Variants in PACRG observed in about 807,000 individuals in gnomAD.
The protein encoded by PACRG is parkin coregulated, also known as parkin coregulated gene protein.
In PACRG, 29 loss-of-function variants were observed where a neutral mutation model predicts 29.7. The observed-to-expected ratio is 0.98, with a 90% CI of 0.73 to 1.33. The LOEUF (loss-of-function observed/expected upper bound fraction) is 1.33, where lower values mean the gene tolerates loss of function less well. PACRG is among the 40% of genes most tolerant of loss of function. The pLI, the probability that PACRG is intolerant of heterozygous loss-of-function variation, is 0.00. For synonymous variants in PACRG, 116 were observed against 118.7 expected, an observed-to-expected ratio of 0.98 and a Z score of 0.15; for missense variants, 279 against 316.2, an observed-to-expected ratio of 0.88 and a Z score of 0.89.
At chr6:162,816,305 A>G (rs1010395823) in intron 2 of PACRG, among the ~76,000 whole-genome samples, 1 of 152,148 alleles carries the variant, frequency 6.6e-6, no homozygotes, top group East Asian at 1.9e-4. Context: ...CTACATTTTA[A>G]TTGCATTACT....
chr6:163,089,433 G>A (rs767824435), intron 4 of PACRG, 25 bp downstream of exon 4: 1 of 1,607,350 alleles, frequency 6.2e-7, no homozygotes, highest in East Asian at 2.2e-5. Flanking sequence ...GAGTCAAAAT[G>A]TCTTTTAAGC....
chr6:162,767,807 T>C (rs1782916128), intron 1 of PACRG, among the ~76,000 whole-genome samples: 1 of 152,026 alleles, frequency 6.6e-6, no homozygotes, highest in Non-Finnish European at 1.5e-5. Flanking sequence ...ACATGCTATT[T>C]CTATTCTTTT....
intron 2 of PACRG, among the ~76,000 whole-genome samples, chr6:162,996,516 G>A (rs1166788651): frequency 6.6e-6 from 1 of 152,024 alleles, no homozygotes; most frequent in Non-Finnish European, 1.5e-5. Flanking sequence ...AACAGAAACT[G>A]AGAAAAATGA....
intron 4 of PACRG, among the ~76,000 whole-genome samples, chr6:163,188,750 C>G (rs149812502): frequency 5.0e-4 from 76 of 152,308 alleles, no homozygotes; most frequent in Non-Finnish European, 8.5e-4. Context: ...TAGTTCATGT[C>G]TGACTTGGTG....
At chr6:162,794,769 A>T (rs531513709) in intron 1 of PACRG, among the ~76,000 whole-genome samples, 1 of 152,312 alleles carries the variant, frequency 6.6e-6, no homozygotes, top group Admixed American at 6.5e-5. Context: ...TTTATTGAAC[A>T]CCTGTTCTGT....
chr6:163,167,108 T>TA (rs1778846301), intron 4 of PACRG, among the ~76,000 whole-genome samples: 1 of 152,240 alleles, frequency 6.6e-6, no homozygotes, highest in Admixed American at 6.5e-5. Flanking sequence ...AAAGGAGGGC[T>TA]AAAATGTCTG....
chr6:163,209,774 C>G (rs1781060140), intron 4 of PACRG, among the ~76,000 whole-genome samples: 1 of 152,204 alleles, frequency 6.6e-6, no homozygotes, highest in African/African-American at 2.4e-5. Flanking sequence ...AAATATCGTA[C>G]TGTAAACTAA....
intron 2 of PACRG, among the ~76,000 whole-genome samples, chr6:162,889,032 G>A (rs917225582): frequency 6.6e-6 from 1 of 152,180 alleles, no homozygotes; most frequent in Non-Finnish European, 1.5e-5. Flanking sequence ...ACAGAGAAGT[G>A]TAAAATTGTC....
chr6:163,260,961 A>G (rs1489729435), intron 4 of PACRG, among the ~76,000 whole-genome samples: 1 of 100,266 alleles, frequency 1.0e-5, no homozygotes, highest in Non-Finnish European at 2.2e-5. Context: ...AAAATCACCT[A>G]TCTAAATAAT....
At chr6:163,189,486 G>T (rs1192950440) in intron 4 of PACRG, 1 of 152,176 alleles carries the variant, frequency 6.6e-6, no homozygotes, top group Non-Finnish European at 1.5e-5. Context: ...GATGCCTTAT[G>T]CCCAGCTTAT....
At chr6:163,042,944 A>G (rs920022968) in intron 2 of PACRG, 1 of 152,246 alleles carries the variant, frequency 6.6e-6, no homozygotes, top group Non-Finnish European at 1.5e-5. Flanking sequence ...TTAGAAGTAC[A>G]TTATTGTAAT....
chr6:163,262,485 C>A (rs1398917893), intron 4 of PACRG, among the ~76,000 whole-genome samples: 3 of 151,686 alleles, frequency 2.0e-5, no homozygotes, highest in African/African-American at 7.3e-5. Flanking sequence ...AATATCTGAT[C>A]AAAGCGAATC....
intron 2 of PACRG, among the ~76,000 whole-genome samples, chr6:163,032,855 T>C (rs1807797115): frequency 1.3e-5 from 2 of 152,214 alleles, no homozygotes; most frequent in Non-Finnish European, 2.9e-5. Flanking sequence ...TATAACCCTT[T>C]ACAAATTTTT....
chr6:163,224,129 G>A lies in PACRG; in HGVS notation c.614-90698G>A, dbSNP rs369369826. Among the ~76,000 whole-genome samples the A allele has an allele frequency of 2.0e-5, 3 of 152,048 alleles. No individual in the cohort carries two copies. The East Asian group carries it at 5.8e-4, about 30-fold the overall frequency. On this transcript the variant is annotated intron_variant, in intron 4 of 4. Transcript: ENST00000366888. ...CATGCCTGTAATCCTAGCACTTTAG[G>A]AGGCCAAGGTGGGAAGATCACCTGA...
intron 4 of PACRG, among the ~76,000 whole-genome samples, chr6:163,261,188 C>T (rs1467169093): frequency 1.3e-5 from 2 of 152,144 alleles, no homozygotes; most frequent in African/African-American, 4.8e-5. Flanking sequence ...TCCGCCTCTT[C>T]TGCCCTCAGC....
intron 2 of PACRG, among the ~76,000 whole-genome samples, chr6:162,900,883 A>G (rs1795512505): frequency 6.6e-6 from 1 of 152,084 alleles, no homozygotes; most frequent in South Asian, 2.1e-4. Flanking sequence ...ATTTTATTCA[A>G]AAGACTTATC....
intron 2 of PACRG, among the ~76,000 whole-genome samples, chr6:162,916,159 A>G (rs113941769): frequency 0.021 from 3,177 of 152,256 alleles, 51 homozygotes; most frequent in South Asian, 0.048. Context: ...TTCATTGAAC[A>G]TAGAATTCTA....
chr6:163,275,021 C>T (rs1350682138), intron 4 of PACRG, among the ~76,000 whole-genome samples: 2 of 151,934 alleles, frequency 1.3e-5, no homozygotes, highest in Non-Finnish European at 2.9e-5. Flanking sequence ...CACCACCAGA[C>T]CCAGCTAGGT....
intron 4 of PACRG, among the ~76,000 whole-genome samples, chr6:163,133,375 A>G (rs1816809509): frequency 6.6e-6 from 1 of 152,180 alleles, no homozygotes; most frequent in African/African-American, 2.4e-5. Flanking sequence ...TCAAGGAGAA[A>G]TGTGTACCTG....
Sources: allele counts gnomAD v4.1 joint callset (sites outside exome capture counted in the v4.1 genomes callset), GRCh38; gene constraint gnomAD v4.1.1; transcripts MANE v1.5; gene names NCBI Gene and HGNC (gene_info 2026-07-23, HGNC 2026-07-21).